NLGN1: variants seen among roughly 807,000 people sequenced by gnomAD.
NLGN1 encodes neuroligin 1.
NLGN1 carries 12 observed loss-of-function variants against 65.5 expected under a neutral mutation model. The ratio of observed to expected loss-of-function variants is 0.18; its 90% CI spans 0.12 to 0.30. The LOEUF (loss-of-function observed/expected upper bound fraction) is 0.30. Ranked by LOEUF, NLGN1 falls within the 10% of genes least tolerant of loss-of-function variation. NLGN1 has a pLI of 1.00. For synonymous variants in NLGN1, 350 were observed against 359.5 expected (o/e 0.97, Z 0.30); for missense variants, 750 against 1,007.1 (o/e 0.74, Z 3.46).
chr3:174,176,948 G>A (rs1187929655), intron 4 of NLGN1, among the ~76,000 whole-genome samples: 1 of 152,000 alleles, frequency 6.6e-6, no homozygotes, highest in Non-Finnish European at 1.5e-5. Flanking sequence ...GCAGTGCTAA[G>A]TTGTGTAGAA....
At chr3:174,281,068 C>G (rs769973365) in exon 7 of NLGN1, 2 of 1,613,296 alleles carry the variant, frequency 1.2e-6, no homozygotes, top group Non-Finnish European at 1.7e-6. Context: ...GAATGTGAGT[C>G]CATTCATCCA....
At chr3:173,631,703 A>G (rs1755712076) in intron 3 of NLGN1, among the ~76,000 whole-genome samples, 1 of 152,198 alleles carries the variant, frequency 6.6e-6, no homozygotes, top group South Asian at 2.1e-4. Context: ...TTACTCTAGA[A>G]TGATATAGTT....
chr3:174,242,630 C>T (rs1743098523), intron 4 of NLGN1, among the ~76,000 whole-genome samples: 1 of 151,944 alleles, frequency 6.6e-6, no homozygotes, highest in Non-Finnish European at 1.5e-5. Context: ...GATGATCTGT[C>T]ACTGTCTCCC....
Position 173,445,283 on chromosome 3 carries a change from A to ACC in NLGN1, c.-321+10205_-321+10206insCC, listed in dbSNP as rs1291328895. ...ACTCCGTCTCAAAAAAAAAAAAAAA[A>ACC]AAAAAAAAAAAACAAGGACTTGTGT... On this transcript the variant is annotated intron_variant, in intron 2 of 6. Coordinates refer to ENST00000457714, the Ensembl canonical transcript of NLGN1. Among the ~76,000 whole-genome samples the ACC allele has an allele frequency of 1.9e-4, 26 of 137,702 alleles. No homozygotes were observed. In the South Asian group the frequency reaches 2.1e-3, roughly 11 times the overall value. 90.3% of individuals were successfully genotyped at this position (137,702 alleles called of 152,430 possible).
At chr3:173,836,509 AAAATC>A (rs1723661725) in intron 4 of NLGN1, among the ~76,000 whole-genome samples, 1 of 152,220 alleles carries the variant, frequency 6.6e-6, no homozygotes, top group Non-Finnish European at 1.5e-5. Flanking sequence ...AAAAATGTAT[AAAATC>A]CTCATAATAT....
rs201781917 is a variant in NLGN1, at chr3:173,518,454, CATAGTT to C, written c.-321+83386_-321+83391del. Among the ~76,000 whole-genome samples the C allele has an allele frequency of 6.8e-3, 1,013 of 149,910 alleles. 17 individuals carry two copies. The highest frequency in any genetic ancestry group is 0.023 in the African/African-American group (955 of 40,850). On this transcript the variant is annotated intron_variant, in intron 2 of 6. Coordinates refer to ENST00000457714, the Ensembl canonical transcript of NLGN1. ...CTAATTATATGTAGGTATGTGTATA[CATAGTT>C]ATAGTTATATATACTTATATATTAT...
intron 3 of NLGN1, among the ~76,000 whole-genome samples, chr3:173,693,451 C>T (rs145463407): frequency 4.9e-4 from 75 of 152,014 alleles, no homozygotes; most frequent in African/African-American, 1.6e-3. Flanking sequence ...TTTACCAATA[C>T]CTTCAAACAT....
At chr3:173,905,434 A>T (rs894306324) in intron 4 of NLGN1, among the ~76,000 whole-genome samples, 29 of 152,194 alleles carry the variant, frequency 1.9e-4, no homozygotes, top group Non-Finnish European at 4.1e-4. Flanking sequence ...TTCACTGAGA[A>T]AGAGCTCTGG....
chr3:174,175,028 A>AT (rs1219919982), intron 4 of NLGN1, among the ~76,000 whole-genome samples: 2 of 151,766 alleles, frequency 1.3e-5, no homozygotes, highest in East Asian at 1.9e-4. Context: ...TATTGTTTCA[A>AT]TTTTTTTGAA....
chr3:173,408,648 C>T (rs1314909820), intron 1 of NLGN1, among the ~76,000 whole-genome samples: 1 of 152,208 alleles, frequency 6.6e-6, no homozygotes, highest in Non-Finnish European at 1.5e-5. Flanking sequence ...CGCAGTGGCT[C>T]ACGCCTGTAA....
At chr3:174,051,983 CT>C (rs66538212) in intron 4 of NLGN1, among the ~76,000 whole-genome samples, 25,500 of 151,942 alleles carry the variant, frequency 0.17, 2,845 homozygotes, top group African/African-American at 0.32. Context: ...AAAGAACCCC[CT>C]CTCCTCTCTG....
chr3:174,097,048 T>A (rs1199466986), intron 4 of NLGN1, among the ~76,000 whole-genome samples: 2 of 152,100 alleles, frequency 1.3e-5, no homozygotes, highest in Non-Finnish European at 2.9e-5. Context: ...TTTAAAAGGC[T>A]TCCATTTATT....
At chr3:173,785,146 G>T (rs202030536) in intron 3 of NLGN1, among the ~76,000 whole-genome samples, 1 of 152,090 alleles carries the variant, frequency 6.6e-6, no homozygotes, top group Non-Finnish European at 1.5e-5. Context: ...TTCAAAAGCC[G>T]CCCCACTTCC....
intron 4 of NLGN1, among the ~76,000 whole-genome samples, chr3:174,026,598 C>A (rs552112395): frequency 4.1e-4 from 62 of 152,224 alleles, no homozygotes; most frequent in Non-Finnish European, 7.9e-4. Flanking sequence ...AAGCACAACT[C>A]AGAACATATA....
At chr3:173,825,271 A>G (rs900839396) in intron 4 of NLGN1, among the ~76,000 whole-genome samples, 1 of 152,026 alleles carries the variant, frequency 6.6e-6, no homozygotes. Context: ...AGCATGATTA[A>G]TTTTCATTTA....
At chr3:173,474,283 TCTC>T (rs569487392) in intron 2 of NLGN1, among the ~76,000 whole-genome samples, 6 of 152,228 alleles carry the variant, frequency 3.9e-5, no homozygotes, top group South Asian at 2.1e-4. Context: ...ATGAAAGACT[TCTC>T]CTTCTTAGAA....
intron 4 of NLGN1, among the ~76,000 whole-genome samples, chr3:173,861,499 A>G (rs1017423357): frequency 6.7e-6 from 1 of 148,686 alleles, no homozygotes; most frequent in Admixed American, 6.7e-5. Context: ...AGAATTGCCA[A>G]TTCCAGTAGC....
At position 173,655,112 on chromosome 3, in the gene NLGN1, G is replaced by A. The variant is rs996007255; in HGVS notation, c.493+50021G>A. Among the ~76,000 whole-genome samples, 6 of 152,106 alleles carry A rather than the reference G, an allele frequency of 3.9e-5. No individual in the cohort carries two copies. In the East Asian group the frequency reaches 1.2e-3, roughly 29 times the overall value. On this transcript the variant is annotated intron_variant, in intron 3 of 6. Coordinates refer to ENST00000457714, the Ensembl canonical transcript of NLGN1. ...AGCATATAGTTTGCACCTTGCAGAAGTTTGTTAAATAAAATTAAAATGCAG... is the reference window on the plus strand; with the variant it reads ...AGCATATAGTTTGCACCTTGCAGAAATTTGTTAAATAAAATTAAAATGCAG...
chr3:173,700,087 G>A (rs566991880), intron 3 of NLGN1, among the ~76,000 whole-genome samples: 11 of 152,106 alleles, frequency 7.2e-5, no homozygotes, highest in South Asian at 2.1e-4. Context: ...GATAAGATAC[G>A]GGCAATGGAG....
Sources: allele counts gnomAD v4.1 joint callset (sites outside exome capture counted in the v4.1 genomes callset), GRCh38; gene constraint gnomAD v4.1.1; transcripts MANE v1.5; gene names NCBI Gene and HGNC (gene_info 2026-07-23, HGNC 2026-07-21).